The following HS3ST4 variants were observed in gnomAD, a reference collection of about 807,000 sequenced individuals.
HS3ST4 encodes the protein heparan sulfate-glucosamine 3-sulfotransferase 4, also known as heparan sulfate glucosamine 3-O-sulfotransferase 4.
Under a neutral mutation model 29.2 loss-of-function variants are expected in HS3ST4, and 17 were observed. That is an observed-to-expected ratio of 0.58 (90% CI 0.40 to 0.87). The LOEUF is 0.87. Ranked by LOEUF, HS3ST4 falls within the 40% of genes least tolerant of loss-of-function variation. HS3ST4 has a pLI of 0.00. For synonymous variants in HS3ST4, 314 were observed against 285.7 expected, an observed-to-expected ratio of 1.10 and a Z score of -1.00; for missense variants, 627 against 634.5, an observed-to-expected ratio of 0.99 and a Z score of 0.13.
chr16:25,725,027 C>T lies in HS3ST4; in HGVS notation c.734+31876C>T, dbSNP rs1436607116. On this transcript the variant is annotated intron_variant, in intron 1 of 1. Coordinates refer to ENST00000331351, the MANE Select transcript of HS3ST4 (RefSeq NM_006040.3). ...CTCTTCTATTTCATTATCTTCCTTCCTCCCTCTTTTTTTTTTTTTTTTTTT... is the reference window on the plus strand; with the variant it reads ...CTCTTCTATTTCATTATCTTCCTTCTTCCCTCTTTTTTTTTTTTTTTTTTT... Among the ~76,000 whole-genome samples the T allele has an allele frequency of 2.9e-5, 3 of 102,394 alleles. No homozygotes were observed. In the East Asian group the frequency reaches 9.1e-4, roughly 31 times the overall value. The allele number at this position is 102,394 out of a possible 152,430, so 67.2% of individuals were successfully genotyped here.
intron 1 of HS3ST4, among the ~76,000 whole-genome samples, chr16:25,897,278 G>A (rs1968076121): frequency 6.6e-6 from 1 of 152,006 alleles, no homozygotes; most frequent in South Asian, 2.1e-4. Context: ...ACACGGTAAA[G>A]CCCCATCTCC....
chr16:25,707,502 T>C (rs1208052143), intron 1 of HS3ST4, among the ~76,000 whole-genome samples: 1 of 152,146 alleles, frequency 6.6e-6, no homozygotes, highest in Non-Finnish European at 1.5e-5. Context: ...GAGCATATCC[T>C]CTGTAGATGA....
At chr16:25,870,911 C>A (rs532577481) in intron 1 of HS3ST4, among the ~76,000 whole-genome samples, 1 of 152,274 alleles carries the variant, frequency 6.6e-6, no homozygotes, top group African/African-American at 2.4e-5. Context: ...GAGATGATGC[C>A]TGTTCCAATC....
rs547594697 is a variant in HS3ST4, at chr16:25,733,689, G to C, written c.734+40538G>C. ...CAAATTTGCTGTATGAATCTGGGGG[G>C]CGGGGGGAAACGCATCACTTGCTAT... is the stretch of plus-strand genomic sequence containing the variant. On this transcript the variant is annotated intron_variant, in intron 1 of 1. Coordinates refer to ENST00000331351, the MANE Select transcript of HS3ST4 (RefSeq NM_006040.3). 2.6e-5 allele frequency among the ~76,000 whole-genome samples: 4 copies of C among 152,262 alleles called. No homozygotes were observed. In the South Asian group the frequency reaches 8.3e-4, roughly 32 times the overall value.
chr16:26,072,507 G>T (rs529943304), intron 1 of HS3ST4, among the ~76,000 whole-genome samples: 1 of 152,156 alleles, frequency 6.6e-6, no homozygotes, highest in Non-Finnish European at 1.5e-5. Flanking sequence ...TTAAGATGGT[G>T]CCTAAAACAG....
chr16:25,881,948 G>A (rs1277027185), intron 1 of HS3ST4, among the ~76,000 whole-genome samples: 1 of 152,184 alleles, frequency 6.6e-6, no homozygotes. Context: ...TTGATGGAAA[G>A]TCTTTTCTGA....
At chr16:25,841,018 A>ATTT in intron 1 of HS3ST4, among the ~76,000 whole-genome samples, 1 of 146,666 alleles carries the variant, frequency 6.8e-6, no homozygotes, top group African/African-American at 2.5e-5. Flanking sequence ...TTATTTATTT[A>ATTT]TGTTGAGACA....
Position 25,702,586 on chromosome 16 carries a change from G to T in HS3ST4, c.734+9435G>T, listed in dbSNP as rs1489398933. Among the ~76,000 whole-genome samples, 16 of 152,010 alleles carry T rather than the reference G, an allele frequency of 1.1e-4. No individual in the cohort carries two copies. In the East Asian group the frequency reaches 3.1e-3, roughly 29 times the overall value. ...TTTTCTTTCCCATTCTTGTTTGTTT[G>T]TTTGTCTAAGTCATTGATGCCTAAA... On this transcript the variant is annotated intron_variant, in intron 1 of 1. Transcript: ENST00000331351.
chr16:25,756,111 AACAC>A (rs1008972212), intron 1 of HS3ST4, among the ~76,000 whole-genome samples: 4 of 144,610 alleles, frequency 2.8e-5, no homozygotes, highest in South Asian at 2.3e-4. Flanking sequence ...GTGTTATAGA[AACAC>A]ACACACACAC....
At chr16:26,074,073 C>T (rs775636208) in intron 1 of HS3ST4, among the ~76,000 whole-genome samples, 3 of 152,166 alleles carry the variant, frequency 2.0e-5, no homozygotes, top group African/African-American at 4.8e-5. Flanking sequence ...TCCCCCTCAG[C>T]CTTCCGGTTT....
In HS3ST4 at chr16:26,055,435, C is replaced by A. The variant is rs541515641; in HGVS notation, c.735-80177C>A. 1.8e-3 allele frequency among the ~76,000 whole-genome samples: 279 copies of A among 152,180 alleles called. 1 individual carries two copies. Among genetic ancestry groups the A allele is most frequent in the Non-Finnish European group, 3.4e-3 (229 of 67,998 alleles). On this transcript the variant is annotated intron_variant, in intron 1 of 1. Transcript: ENST00000331351. ...CACTAGTAGGGGAAACTCTGACACT[C>A]TTTTTGGGTCATGGTGGCTGGGAAC...
chr16:25,920,781 A>AT (rs11373118), intron 1 of HS3ST4, among the ~76,000 whole-genome samples: 15,691 of 150,706 alleles, frequency 0.1, 1,665 homozygotes, highest in African/African-American at 0.24. Context: ...TTTGTGTTCT[A>AT]TTTTTTTTGG....
intron 1 of HS3ST4, among the ~76,000 whole-genome samples, chr16:25,882,917 G>A (rs1292705503): frequency 6.6e-6 from 1 of 152,140 alleles, no homozygotes; most frequent in Non-Finnish European, 1.5e-5. Context: ...CATCTCACCA[G>A]CTGTCATTCC....
intron 1 of HS3ST4, among the ~76,000 whole-genome samples, chr16:25,770,425 C>A (rs1234486360): frequency 1.3e-5 from 2 of 152,310 alleles, no homozygotes; most frequent in East Asian, 3.9e-4. Flanking sequence ...GTTCTATTAT[C>A]ACCTCTAGCT....
chr16:25,888,801 A>G (rs1279915843), intron 1 of HS3ST4, among the ~76,000 whole-genome samples: 1 of 152,210 alleles, frequency 6.6e-6, no homozygotes, highest in African/African-American at 2.4e-5. Flanking sequence ...ACAAAACAAC[A>G]ACAACAACAA....
chr16:26,024,450 G>A (rs1481568598), intron 1 of HS3ST4, among the ~76,000 whole-genome samples: 2 of 151,960 alleles, frequency 1.3e-5, no homozygotes, highest in Non-Finnish European at 2.9e-5. Context: ...CAAGTCTCAG[G>A]GCTGGGCGCA....
chr16:25,904,621 A>G (rs770408243), intron 1 of HS3ST4, among the ~76,000 whole-genome samples: 84 of 152,186 alleles, frequency 5.5e-4, no homozygotes, highest in Non-Finnish European at 4.1e-4. Flanking sequence ...ATTTATTCCT[A>G]TCTTCATTCA....
At chr16:25,821,662 C>T (rs971270078) in intron 1 of HS3ST4, among the ~76,000 whole-genome samples, 2 of 152,078 alleles carry the variant, frequency 1.3e-5, no homozygotes, top group Non-Finnish European at 2.9e-5. Flanking sequence ...CACGGTGGCT[C>T]ACACCTGTAA....
intron 1 of HS3ST4, among the ~76,000 whole-genome samples, chr16:26,088,376 T>C (rs2141787551): frequency 6.6e-6 from 1 of 152,336 alleles, no homozygotes; most frequent in Non-Finnish European, 1.5e-5. Flanking sequence ...TTGTGGTGGT[T>C]AATTATTGTG....
Sources: allele counts gnomAD v4.1 joint callset (sites outside exome capture counted in the v4.1 genomes callset), GRCh38; gene constraint gnomAD v4.1.1; transcripts MANE v1.5; gene names NCBI Gene and HGNC (gene_info 2026-07-23, HGNC 2026-07-21).